The following CYP3A43 variants were observed in gnomAD, a reference collection of about 807,000 sequenced individuals.
The protein encoded by CYP3A43 is cytochrome P450 family 3 subfamily A member 43.
CYP3A43 carries 45 observed loss-of-function variants against 58.0 expected under a neutral mutation model. The observed-to-expected ratio is 0.78, with a 90% CI of 0.61 to 0.99. The LOEUF is 0.99. Ranked by LOEUF, CYP3A43 falls within the 50% of genes least tolerant of loss-of-function variation. The pLI, the probability that CYP3A43 is intolerant of heterozygous loss-of-function variation, is 0.00. For missense variants in CYP3A43, 593 were observed against 591.9 expected, an observed-to-expected ratio of 1.00 and a Z score of -0.02; for synonymous variants, 191 against 201.4, an observed-to-expected ratio of 0.95 and a Z score of 0.44.
At chr7:99,850,179 A>C (rs1584224231) in intron 7 of CYP3A43, 2 of 280,414 alleles carry the variant, frequency 7.1e-6, no homozygotes, top group South Asian at 3.0e-5. Context: ...CTGGTCTCGA[A>C]CCCCTAACCT....
At chr7:99,836,363 GA>G (rs1295772906) in intron 1 of CYP3A43, 89 bp from the exon 2 acceptor site, 1 of 992,262 alleles carries the variant, frequency 1.0e-6, no homozygotes, top group Non-Finnish European at 1.6e-6. Context: ...TCCCTCCCTT[GA>G]ACATTCCAGT....
At chr7:99,858,767 A>G (rs1226065352) in intron 9 of CYP3A43, among the ~76,000 whole-genome samples, 1 of 151,700 alleles carries the variant, frequency 6.6e-6, no homozygotes, top group Non-Finnish European at 1.5e-5. Flanking sequence ...ATCTTGGCTC[A>G]CTGCAACCTC....
At position 99,859,970 on chromosome 7, in the gene CYP3A43, G is replaced by A. The variant is rs1047054320; in HGVS notation, c.1006G>A (p.Asp336Asn). 34 of 1,608,742 alleles carry A rather than the reference G, an allele frequency of 2.1e-5. No individual in the cohort carries two copies. Among genetic ancestry groups the A allele is most frequent in the African/African-American group, 4.0e-5 (3 of 74,792 alleles). The change falls in exon 10 of 13, where the codon GAC becomes AAC. Residue 336 changes from aspartate (D) to asparagine (N), a missense_variant. Physicochemically the swap from Asp to Asn is conservative, Grantham distance 23 (BLOSUM62 1). Coordinates refer to ENST00000354829, the MANE Select transcript of CYP3A43 (RefSeq NM_057095.3). ...CCAGCAGAAACTGCAGGAGGAGATT[G>A]ACGCAGTTTTACCCAATAAGGTAAG... The part of the protein sequence containing the change: ...DVQQKLQEEI[D>N]AVLPNKAPVT...
chr7:99,853,807 C>T (rs553611490), intron 7 of CYP3A43, among the ~76,000 whole-genome samples: 18 of 152,322 alleles, frequency 1.2e-4, no homozygotes, highest in African/African-American at 4.3e-4. Context: ...CCACCTGCCT[C>T]GGCCTCCCAA....
chr7:99,838,756 G>T (rs1563061054), intron 2 of CYP3A43: 1 of 965,056 alleles, frequency 1.0e-6, no homozygotes, highest in Non-Finnish European at 1.4e-6. Context: ...GAAGCAGGAG[G>T]ATCACCTAAG....
intron 7 of CYP3A43, among the ~76,000 whole-genome samples, chr7:99,855,151 C>A (rs1478033838): frequency 6.6e-6 from 1 of 152,140 alleles, no homozygotes; most frequent in Non-Finnish European, 1.5e-5. Context: ...AAGTGCAATT[C>A]TCTTGCTTTT....
intron 12 of CYP3A43, among the ~76,000 whole-genome samples, chr7:99,865,145 G>A (rs550268430): frequency 6.7e-6 from 1 of 148,428 alleles, no homozygotes; most frequent in Non-Finnish European, 1.5e-5. Context: ...CACATGGGAT[G>A]GGGTGATACT....
chr7:99,831,118 G>C (rs1436814979), intron 1 of CYP3A43, among the ~76,000 whole-genome samples: 1 of 152,226 alleles, frequency 6.6e-6, no homozygotes, highest in East Asian at 1.9e-4. Flanking sequence ...TTTTCGATGT[G>C]TGAGTAGGAA....
At chr7:99,838,742 G>T (rs535475100) in intron 2 of CYP3A43, 16 of 1,092,450 alleles carry the variant, frequency 1.5e-5, no homozygotes, top group Non-Finnish European at 2.0e-5. Context: ...CACTTTGGGA[G>T]GCTGAAGCAG....
rs1267566029 is a variant in CYP3A43, at chr7:99,861,758, G to C, written c.1172G>C (p.Gly391Ala). 9 of 1,613,980 alleles carry C rather than the reference G, an allele frequency of 5.6e-6. No individual in the cohort carries two copies. In the Admixed American group the frequency reaches 1.2e-4, roughly 21 times the overall value. The change falls in exon 11 of 13, where the codon GGG becomes GCG. Residue 391 changes from glycine to alanine, a missense_variant. Coordinates refer to ENST00000354829, the MANE Select transcript of CYP3A43 (RefSeq NM_057095.3). Reference protein sequence around the residue: ...IEINGVFIPKGLAVMVPIYAL... With the variant: ...IEINGVFIPKALAVMVPIYAL... ...ATCAATGGAGTGTTCATTCCCAAAG[G>C]GTTAGCAGTGATGGTTCCAATCTAT...
intron 7 of CYP3A43, among the ~76,000 whole-genome samples, chr7:99,851,269 G>C (rs944841774): frequency 6.6e-6 from 1 of 152,000 alleles, no homozygotes; most frequent in African/African-American, 2.4e-5. Flanking sequence ...GTGAATAGTT[G>C]TTTACAAGTT....
chr7:99,859,832 C>A lies in CYP3A43; in HGVS notation c.868C>A (p.Leu290Met). Residue 290 changes from leucine (L) to methionine (M), a missense_variant and splice_region_variant, in exon 10 of 13, where the codon CTG becomes ATG. Physicochemically the swap from Leu to Met is conservative, Grantham distance 15 (BLOSUM62 2). Transcript: ENST00000354829. ...AAATATATTTCCTCTCCTTTCAGCT[C>A]TGTCTGATCTGGAGCTTGTGGCCCA... is the stretch of plus-strand genomic sequence containing the variant. ...NSKETKSHKA[L>M]SDLELVAQSI... 6.2e-7 allele frequency: 1 copy of A among 1,614,162 alleles called. No individual in the cohort carries two copies. The highest frequency in any genetic ancestry group is 1.1e-5 in the South Asian group (1 of 91,082).
intron 1 of CYP3A43, among the ~76,000 whole-genome samples, chr7:99,834,889 TCC>T (rs1817006555): frequency 6.6e-6 from 1 of 152,198 alleles, no homozygotes; most frequent in African/African-American, 2.4e-5. Context: ...TTCCTTTGCC[TCC>T]CATGGCCACT....
At chr7:99,865,791 T>C (rs1818421047) in intron 12 of CYP3A43, 115 bp from the exon 13 acceptor site, 2 of 616,010 alleles carry the variant, frequency 3.2e-6, no homozygotes, top group East Asian at 3.0e-5. Context: ...GTGCTGAAAG[T>C]AGTTTTTTTT....
Position 99,866,047 on chromosome 7 carries a change from A to G in CYP3A43, c.*46A>G. 1 of 1,184,122 alleles carries G rather than the reference A, an allele frequency of 8.4e-7. No individual in the cohort carries two copies. The highest frequency in any genetic ancestry group is 2.3e-5 in the Admixed American group (1 of 44,368). 73.4% of individuals were successfully genotyped at this position (1,184,122 alleles called of 1,614,324 possible). On this transcript the variant is annotated 3_prime_UTR_variant, in exon 13 of 13. Transcript: ENST00000354829. ...TTTGTTCAAGAAAGCTGTATCCCAGAACACTAGACACTTCAAATTGTTTTG... is the reference window on the plus strand; with the variant it reads ...TTTGTTCAAGAAAGCTGTATCCCAGGACACTAGACACTTCAAATTGTTTTG...
Position 99,849,622 on chromosome 7 carries a change from CA to C in CYP3A43, c.600del (p.Asp201IlefsTer4). ...GVNLDSLNNPQDPFLKNMKKL... is the reference protein window; with the variant it reads ...GVNLDSLNNPXDPFLKNMKKL... Reference sequence around the variant, plus strand: ...GAACTTGGATTCTCTCAACAATCCACAAGATCCCTTTCTGAAAAATATGAAG... The same window carrying C: ...GAACTTGGATTCTCTCAACAATCCACAGATCCCTTTCTGAAAAATATGAAG... On this transcript the variant is annotated frameshift_variant, in exon 7 of 13. Transcript: ENST00000354829. LOFTEE classifies it high-confidence loss of function. 1.2e-6 allele frequency: 2 copies of C among 1,613,182 alleles called. No individual in the cohort carries two copies. Among genetic ancestry groups the C allele is most frequent in the Non-Finnish European group, 1.7e-6 (2 of 1,179,776 alleles).
At chr7:99,828,934 G>A (rs1018474525) in intron 1 of CYP3A43, among the ~76,000 whole-genome samples, 17 of 152,154 alleles carry the variant, frequency 1.1e-4, no homozygotes, top group African/African-American at 4.1e-4. Flanking sequence ...CTTATTCTTT[G>A]GAGCACTGCT....
intron 1 of CYP3A43, among the ~76,000 whole-genome samples, chr7:99,833,488 C>T (rs1816930394): frequency 1.3e-5 from 2 of 152,340 alleles, no homozygotes; most frequent in South Asian, 4.1e-4. Flanking sequence ...GCTAGGGAAA[C>T]AGGGTCTTTG....
chr7:99,847,441 A>G (rs772242106), intron 4 of CYP3A43, 47 bp from the exon 5 acceptor site: 2 of 1,582,466 alleles, frequency 1.3e-6, no homozygotes. Flanking sequence ...AACTATGGAG[A>G]TCTCTAAAAC....
Sources: allele counts gnomAD v4.1 joint callset (sites outside exome capture counted in the v4.1 genomes callset), GRCh38; gene constraint gnomAD v4.1.1; transcripts MANE v1.5; gene names NCBI Gene and HGNC (gene_info 2026-07-23, HGNC 2026-07-21).